Variants in CADPS2 observed in about 807,000 individuals in gnomAD.
CADPS2 encodes the protein calcium dependent secretion activator 2.
A neutral mutation model predicts 172.5 loss-of-function variants in CADPS2; 93 were observed. The observed-to-expected ratio is 0.54, with a 90% CI of 0.46 to 0.64. CADPS2 has a LOEUF of 0.64. CADPS2 is among the 30% of genes least tolerant of loss of function. The pLI is 0.00. For synonymous variants in CADPS2, 546 were observed against 555.2 expected (o/e 0.98, Z 0.23); for missense variants, 1,420 against 1,565.9 (o/e 0.91, Z 1.57).
intron 7 of CADPS2, among the ~76,000 whole-genome samples, chr7:122,578,400 A>C (rs2132753687): frequency 6.6e-6 from 1 of 152,304 alleles, no homozygotes; most frequent in Non-Finnish European, 1.5e-5. Context: ...GTGTAAGGAA[A>C]GAATGACAGT....
chr7:122,338,132 C>T (rs1464581169), intron 28 of CADPS2, among the ~76,000 whole-genome samples: 3 of 152,186 alleles, frequency 2.0e-5, no homozygotes, highest in Non-Finnish European at 4.4e-5. Context: ...TATGGTGGCT[C>T]ATGCCTGTAA....
At chr7:122,851,898 A>G (rs900268864) in intron 1 of CADPS2, among the ~76,000 whole-genome samples, 3 of 152,206 alleles carry the variant, frequency 2.0e-5, no homozygotes, top group African/African-American at 7.2e-5. Flanking sequence ...GCCATATCAG[A>G]GCCCTTACTG....
chr7:122,790,340 AG>A (rs1484369011), intron 1 of CADPS2, among the ~76,000 whole-genome samples: 1 of 150,994 alleles, frequency 6.6e-6, no homozygotes, highest in Non-Finnish European at 1.5e-5. Flanking sequence ...TCACAGCTGC[AG>A]TGAGGTATGA....
chr7:122,526,949 T>C (rs2061289189), intron 8 of CADPS2, among the ~76,000 whole-genome samples: 1 of 152,180 alleles, frequency 6.6e-6, no homozygotes, highest in African/African-American at 2.4e-5. Flanking sequence ...TCCATAAACA[T>C]TTTTGGAATG....
At chr7:122,650,101 G>A (rs2079001268) in intron 3 of CADPS2, among the ~76,000 whole-genome samples, 1 of 151,076 alleles carries the variant, frequency 6.6e-6, no homozygotes, top group Non-Finnish European at 1.5e-5. Flanking sequence ...AGTAGAGACA[G>A]GTTTCACCAT....
intron 6 of CADPS2, among the ~76,000 whole-genome samples, chr7:122,599,622 C>T (rs1167171273): frequency 6.6e-6 from 1 of 151,942 alleles, no homozygotes; most frequent in African/African-American, 2.4e-5. Flanking sequence ...GAGAAGGCTG[C>T]CTAGTGTTAA....
intron 2 of CADPS2, among the ~76,000 whole-genome samples, chr7:122,724,276 T>C (rs1349851864): frequency 6.6e-6 from 1 of 152,028 alleles, no homozygotes; most frequent in Admixed American, 6.6e-5. Context: ...GCCTTGTTCA[T>C]CTTTTTATTT....
chr7:122,402,991 T>C (rs558621670), intron 20 of CADPS2, among the ~76,000 whole-genome samples: 1 of 152,278 alleles, frequency 6.6e-6, no homozygotes, highest in East Asian at 1.9e-4. Context: ...TTTCAAGGGG[T>C]ACTAAAAGAA....
At chr7:122,708,494 T>C (rs1387820915) in intron 2 of CADPS2, among the ~76,000 whole-genome samples, 2 of 127,876 alleles carry the variant, frequency 1.6e-5, no homozygotes, top group Admixed American at 1.6e-4. Flanking sequence ...ATATTGGATA[T>C]GTAGATCCAA....
At chr7:122,324,531 T>C (rs764057180) in intron 29 of CADPS2, among the ~76,000 whole-genome samples, 38 of 152,206 alleles carry the variant, frequency 2.5e-4, no homozygotes, top group African/African-American at 8.9e-4. Flanking sequence ...GCCCAAGAAT[T>C]TGTGGTTCTA....
intron 1 of CADPS2, among the ~76,000 whole-genome samples, chr7:122,788,656 G>C (rs1284118603): frequency 6.6e-6 from 1 of 152,152 alleles, no homozygotes; most frequent in Non-Finnish European, 1.5e-5. Context: ...CAACAATCCT[G>C]CCTTCGTTGG....
chr7:122,705,749 TA>T lies in CADPS2; in HGVS notation c.453+31205del, dbSNP rs2087042471. On this transcript the variant is annotated intron_variant, in intron 2 of 29. Coordinates refer to ENST00000449022, the MANE Select transcript of CADPS2 (RefSeq NM_017954.11). ...ATCATATATTATATAATATATAATA[TA>T]TATAATATATAATATATGATATATT... is the stretch of plus-strand genomic sequence containing the variant. Among the ~76,000 whole-genome samples the T allele has an allele frequency of 2.1e-4, 2 of 9,728 alleles. 1 individual carries two copies. The highest frequency in any genetic ancestry group is 4.0e-4 in the Non-Finnish European group (2 of 4,988). 6.4% of individuals were successfully genotyped at this position (9,728 alleles called of 152,430 possible).
chr7:122,872,168 T>A (rs947958587), intron 1 of CADPS2, among the ~76,000 whole-genome samples: 2 of 152,114 alleles, frequency 1.3e-5, no homozygotes, highest in African/African-American at 4.8e-5. Flanking sequence ...ACATTGCTTA[T>A]CTCTTACATA....
At chr7:122,351,954 C>T (rs59563343) in intron 27 of CADPS2, among the ~76,000 whole-genome samples, 21,830 of 152,026 alleles carry the variant, frequency 0.14, 1,616 homozygotes, top group Non-Finnish European at 0.15. Flanking sequence ...AGAGAAGTTT[C>T]TTTTAAATAT....
At chr7:122,664,592 G>T (rs1205006813) in intron 2 of CADPS2, among the ~76,000 whole-genome samples, 3 of 152,222 alleles carry the variant, frequency 2.0e-5, no homozygotes, top group African/African-American at 7.2e-5. Flanking sequence ...TATCAGTTAA[G>T]ATTCATTAAA....
intron 1 of CADPS2, among the ~76,000 whole-genome samples, chr7:122,813,436 T>C (rs537838000): frequency 6.6e-6 from 1 of 152,256 alleles, no homozygotes; most frequent in South Asian, 2.1e-4. Context: ...AACGTTACTG[T>C]GAAATTACAT....
At chr7:122,436,266 G>C in intron 17 of CADPS2, 1 of 638,478 alleles carries the variant, frequency 1.6e-6, no homozygotes, top group Non-Finnish European at 2.3e-6. Flanking sequence ...AATATGTACA[G>C]CTTGCCTGTC....
chr7:122,415,933 CGTTGGTGCTTATT>C, intron 18 of CADPS2, 115 bp downstream of exon 18: 2 of 488,712 alleles, frequency 4.1e-6, no homozygotes, highest in Non-Finnish European at 7.3e-6. Context: ...CACTGCTTAT[CGTTGGTGCTTATT>C]CGTTAAATGT....
chr7:122,417,025 G>A (rs1275320938), intron 17 of CADPS2, among the ~76,000 whole-genome samples: 1 of 152,188 alleles, frequency 6.6e-6, no homozygotes, highest in Non-Finnish European at 1.5e-5. Context: ...CAGCAAGGAG[G>A]TTGTGAGGAA....
Sources: gnomAD v4.1 joint callset for allele counts (sites outside exome capture counted in the v4.1 genomes callset) on GRCh38, gnomAD v4.1.1 for gene constraint, MANE v1.5 for transcripts, NCBI Gene and HGNC (gene_info 2026-07-23, HGNC 2026-07-21) for gene names.